Variants in SGSH observed in about 807,000 individuals in gnomAD.
The protein encoded by SGSH is heparan sulfate sulfatase.
In SGSH, 48 loss-of-function variants were observed where a neutral mutation model predicts 51.0. The observed-to-expected ratio is 0.94, with a 90% confidence interval of 0.75 to 1.20. The LOEUF (loss-of-function observed/expected upper bound fraction) is 1.20, where lower values mean the gene tolerates loss of function less well. Ranked by LOEUF, SGSH falls within the 50% of genes most tolerant of loss-of-function variation. The probability of loss-of-function intolerance (pLI) is 0.00; values close to 1 mark genes in which losing one functional copy is unlikely to be tolerated. For synonymous variants in SGSH, 321 were observed against 313.4 expected (o/e 1.02, Z -0.26); for missense variants, 662 against 717.8 (o/e 0.92, Z 0.89).
In SGSH at chr17:80,213,615, C is replaced by T. The variant is rs2041759882; in HGVS notation, c.745+189G>A. On this transcript the variant is annotated intron_variant, in intron 6 of 7. Transcript: ENST00000326317. This position sits in a 1 kb window ranked among gnomAD's most constrained non-coding sequence, Gnocchi z 4.6. Reference sequence around the variant, plus strand: ...GCCCAGGAGCAGGTCCACATCAGGGCAGCCCCGGGGTTGGGTCCTGATGCC... The same window carrying T: ...GCCCAGGAGCAGGTCCACATCAGGGTAGCCCCGGGGTTGGGTCCTGATGCC... 2 of 618,850 alleles carry T rather than the reference C, an allele frequency of 3.2e-6. No individual in the cohort carries two copies. Among genetic ancestry groups the T allele is most frequent in the Non-Finnish European group, 5.8e-6 (2 of 347,548 alleles). The allele number at this position is 618,850 out of a possible 1,614,324, so 38.3% of individuals were successfully genotyped here.
downstream of SGSH, chr17:80,203,769 C>T: frequency 6.8e-7 from 1 of 1,460,490 alleles, no homozygotes; most frequent in Non-Finnish European, 9.4e-7. This position sits in a 1 kb window ranked among gnomAD's most constrained non-coding sequence, Gnocchi z 4.6. Context: ...TCTCCCCTGC[C>T]CTGCTCACCT....
rs770050710 is a variant in SGSH at position 80,211,025 on chromosome 17, G to A, written c.950-14C>T. On this transcript the variant is annotated splice_polypyrimidine_tract_variant and intron_variant, in intron 7 of 7. Coordinates refer to ENST00000326317, the MANE Select transcript of SGSH (RefSeq NM_000199.5). ...TGGGCGTGAGGTCTGGAAGGGACGC[G>A]GCATCTCAGAGCAGCAGAGCCCTCA... The A allele has an allele frequency of 1.4e-5, 22 of 1,598,078 alleles. No individual in the cohort carries two copies. The highest frequency in any genetic ancestry group is 1.1e-4 in the East Asian group (5 of 44,882).
chr17:80,203,527 G>C (rs2041104575), downstream of SGSH: 1 of 357,942 alleles, frequency 2.8e-6, no homozygotes, highest in Non-Finnish European at 5.0e-6. The surrounding 1 kb of genome is among the most constrained non-coding windows in gnomAD (Gnocchi z 4.6). Flanking sequence ...TGAGGTCCTG[G>C]AGTGGGGCCC....
Position 80,214,203 on chromosome 17 carries a change from G to A in SGSH, c.632C>T (p.Thr211Ile), listed in dbSNP as rs746508510. The A allele has an allele frequency of 6.8e-6, 11 of 1,611,852 alleles. No homozygotes were observed. The highest frequency in any genetic ancestry group is 3.3e-5 in the Admixed American group (2 of 59,850). The change falls in exon 5 of 8, where the codon ACC becomes ATC. Residue 211 changes from threonine to isoleucine, a missense_variant. Physicochemically the swap from Thr to Ile is moderately conservative, Grantham distance 89. Transcript: ENST00000326317. ...GTCCAGTGGGTCGTAGGCCTGGGGGGTCCAGTCTGGGATACGACCCATGCC... is the reference window on the plus strand; with the variant it reads ...GTCCAGTGGGTCGTAGGCCTGGGGGATCCAGTCTGGGATACGACCCATGCC... The part of the protein sequence containing the change: ...ESGMGRIPDW[T>I]PQAYDPLDVL...
chr17:80,218,164 A>G (rs544411132), intron 1 of SGSH, among the ~76,000 whole-genome samples: 6 of 152,374 alleles, frequency 3.9e-5, no homozygotes, highest in African/African-American at 1.2e-4. Flanking sequence ...TTCTGGGCTC[A>G]GCGGAAACCG....
chr17:80,215,393 T>C (rs1438174955), intron 2 of SGSH, among the ~76,000 whole-genome samples: 2 of 152,262 alleles, frequency 1.3e-5, no homozygotes, highest in African/African-American at 2.4e-5. Context: ...AGGGTGGCCT[T>C]GATGTTCTTT....
At chr17:80,205,242 C>A, downstream of SGSH, 2 of 1,548,490 alleles carry the variant, frequency 1.3e-6, no homozygotes, top group South Asian at 1.2e-5. Context: ...ACCCCTTCCA[C>A]CTTCCCTCCC....
chr17:80,208,677 G>A (rs1481158240), downstream of SGSH: 1 of 257,816 alleles, frequency 3.9e-6, no homozygotes, highest in Non-Finnish European at 7.3e-6. Context: ...GGACTTCTCT[G>A]GAAAACCGCC....
chr17:80,203,923 G>A (rs768036206), downstream of SGSH: 3 of 1,531,238 alleles, frequency 2.0e-6, no homozygotes, highest in Non-Finnish European at 2.7e-6. This position sits in a 1 kb window ranked among gnomAD's most constrained non-coding sequence, Gnocchi z 4.6. Context: ...CCACTGGGGT[G>A]GGCTGGAAGA....
At chr17:80,207,175 G>C, downstream of SGSH, 1 of 868,550 alleles carries the variant, frequency 1.2e-6, no homozygotes, top group Non-Finnish European at 1.8e-6. Context: ...AGTGTGCTCT[G>C]CGGTTTGCAG....
At position 80,217,086 on chromosome 17, in the gene SGSH, G is replaced by T; in HGVS notation, c.195C>A (p.Thr65=). The part of the protein sequence containing the change: ...RRSLLFRNAF[T]SVSSCSPSRA... ...GGCTGGGAGAGCAGCTGCTGACCGA[G>T]GTGAAGGCATTGCGAAAGAGGAGGC... The change falls in exon 2 of 8, where the codon ACC becomes ACA. Residue 65 remains threonine (T), a synonymous_variant. Coordinates refer to ENST00000326317, the MANE Select transcript of SGSH (RefSeq NM_000199.5). 6.2e-7 allele frequency: 1 copy of T among 1,601,842 alleles called. No homozygotes were observed.
At chr17:80,204,057 C>A, downstream of SGSH, 1 of 812,540 alleles carries the variant, frequency 1.2e-6, no homozygotes, top group South Asian at 1.8e-5. Context: ...CAGCCCCTGC[C>A]CAGCCTGCAG....
chr17:80,201,931 C>A, downstream of SGSH: 1 of 1,537,246 alleles, frequency 6.5e-7, no homozygotes, highest in African/African-American at 1.4e-5. The surrounding 1 kb of genome is among the most constrained non-coding windows in gnomAD (Gnocchi z 5.0). Context: ...ACCCTTAAGT[C>A]CCTGGTGGTT....
rs775792252 is a variant in SGSH at position 80,214,307 on chromosome 17, G to T, written c.528C>A (p.Ala176=). ...GCCCACAGCGGTGGGGGTCGTGGAA[G>T]GCGACGTAGAGGAAGAAAGGCCTGC... is the stretch of plus-strand genomic sequence containing the variant. ...QDDRPFFLYV[A]FHDPHRCGHS... Residue 176 remains alanine (A), a synonymous_variant, in exon 5 of 8, where the codon GCC becomes GCA. Transcript: ENST00000326317. The T allele has an allele frequency of 6.2e-7, 1 of 1,613,110 alleles. No individual in the cohort carries two copies. Among genetic ancestry groups the T allele is most frequent in the Non-Finnish European group, 8.5e-7 (1 of 1,180,014 alleles).
intron 7 of SGSH, 135 bp from the exon 8 acceptor site, chr17:80,211,146 C>G (rs537686455): frequency 3.3e-6 from 5 of 1,522,824 alleles, no homozygotes; most frequent in African/African-American, 2.7e-5. Context: ...CTTGTCGAGC[C>G]GACACCTCTC....
chr17:80,214,841 G>T (rs2041827803), intron 3 of SGSH, 76 bp from the exon 4 acceptor site: 1 of 1,541,024 alleles, frequency 6.5e-7, no homozygotes. Flanking sequence ...GCCCCTCTCG[G>T]CCCTAAGCGC....
rs1404044099 is a variant in SGSH at position 80,220,284 on chromosome 17, C to A, written c.30G>T (p.Ala10=). MSCPVPACC[A]LLLVLGLCRA... ...GGCAGAGCCCCAGGACTAGCAGCAG[C>A]GCGCAGCAGGCGGGCACGGGGCAGC... The change falls in exon 1 of 8, where the codon GCG becomes GCT. Residue 10 remains alanine, a synonymous_variant. Coordinates refer to ENST00000326317, the MANE Select transcript of SGSH (RefSeq NM_000199.5). 4 of 1,519,324 alleles carry A rather than the reference C, an allele frequency of 2.6e-6. No individual in the cohort carries two copies. The allele number at this position is 1,519,324 out of a possible 1,614,324, so 94.1% of individuals were successfully genotyped here.
chr17:80,215,648 GTC>G (rs923095575), intron 2 of SGSH, among the ~76,000 whole-genome samples: 20 of 151,770 alleles, frequency 1.3e-4, no homozygotes, highest in African/African-American at 4.1e-4. Flanking sequence ...GTGAAACCTC[GTC>G]TCTACTAAAA....
chr17:80,217,185 G>T lies in SGSH; in HGVS notation c.96C>A (p.Asp32Glu), dbSNP rs139850991. ...PRNALLLLADDGGFESGAYNN... is the reference protein window; with the variant it reads ...PRNALLLLADEGGFESGAYNN... ...TGTACGCGCCACTCTCAAAGCCTCC[G>T]TCATCCGCTGCGTGAGGTGGGAGAC... The change falls in exon 2 of 8, where the codon GAC becomes GAA. Residue 32 changes from aspartate (D) to glutamate (E), a missense_variant. Asp to Glu is a conservative substitution (Grantham distance 45, BLOSUM62 2). Transcript: ENST00000326317. 1 of 1,599,220 alleles carries T rather than the reference G, an allele frequency of 6.3e-7. No individual in the cohort carries two copies.
Sources: gnomAD v4.1 joint callset for allele counts (sites outside exome capture counted in the v4.1 genomes callset) on GRCh38, gnomAD v4.1.1 for gene constraint, Gnocchi (gnomAD v3.1) non-coding constraint, MANE v1.5 for transcripts, NCBI Gene and HGNC (gene_info 2026-07-23, HGNC 2026-07-21) for gene names.